Variants in FAM114A1 observed in about 807,000 individuals in gnomAD.
The protein encoded by FAM114A1 is family with sequence similarity 114 member A1.
Under a neutral mutation model 64.3 loss-of-function variants are expected in FAM114A1, and 62 were observed. The observed-to-expected ratio is 0.96, with a 90% CI of 0.79 to 1.19. FAM114A1 has a LOEUF of 1.19. Among genes scored for constraint, FAM114A1 ranks in the 50% most tolerant of loss-of-function variants. The pLI is 0.00. For synonymous variants in FAM114A1, 254 were observed against 251.1 expected, an observed-to-expected ratio of 1.01 and a Z score of -0.11; for missense variants, 645 against 676.3, an observed-to-expected ratio of 0.95 and a Z score of 0.51.
chr4:38,919,087 A>C (rs1719341926), intron 8 of FAM114A1, among the ~76,000 whole-genome samples: 1 of 151,640 alleles, frequency 6.6e-6, no homozygotes, highest in African/African-American at 2.4e-5. Context: ...TGGGGGGCGG[A>C]GGTTGTAGTG....
rs1418045418 is a variant in FAM114A1, at chr4:38,922,870, A to G, written c.1046A>G (p.Asn349Ser). The change falls in exon 9 of 15, where the codon AAT (asparagine) becomes AGT (serine). Residue 349 changes from asparagine to serine, a missense_variant. Transcript: ENST00000358869. ...KDIFAAKELE[N>S]EENQEEQGLE... ...ATCTTTGCAGCCAAAGAATTAGAGA[A>G]TGAAGAAAATCAAGAAGAACAAGGT... 6.2e-7 allele frequency: 1 copy of G among 1,611,140 alleles called. No homozygotes were observed. Among genetic ancestry groups the G allele is most frequent in the Non-Finnish European group, 8.5e-7 (1 of 1,179,332 alleles).
At chr4:38,894,785 A>G (rs1476781049) in intron 4 of FAM114A1, among the ~76,000 whole-genome samples, 6 of 152,204 alleles carry the variant, frequency 3.9e-5, no homozygotes, top group African/African-American at 1.4e-4. Flanking sequence ...CTCTTGTATT[A>G]GTTTCTGTTG....
At chr4:38,909,965 G>T (rs750867036) in intron 7 of FAM114A1, among the ~76,000 whole-genome samples, 76 of 152,268 alleles carry the variant, frequency 5.0e-4, no homozygotes, top group Middle Eastern at 3.4e-3. Context: ...GGGCACAGTG[G>T]CTCATGCCGG....
intron 12 of FAM114A1, among the ~76,000 whole-genome samples, chr4:38,932,611 C>T (rs1720748421): frequency 1.3e-5 from 2 of 152,124 alleles, no homozygotes; most frequent in South Asian, 4.1e-4. Flanking sequence ...ACCCTCCTGC[C>T]TCAGTCTCCC....
intron 7 of FAM114A1, among the ~76,000 whole-genome samples, chr4:38,913,061 T>C (rs1379394326): frequency 6.6e-6 from 1 of 152,200 alleles, no homozygotes; most frequent in Non-Finnish European, 1.5e-5. Flanking sequence ...GCTGATTGTT[T>C]TTCTGGCACA....
intron 2 of FAM114A1, among the ~76,000 whole-genome samples, chr4:38,877,326 G>C (rs963381321): frequency 6.6e-6 from 1 of 152,110 alleles, no homozygotes; most frequent in Admixed American, 6.5e-5. Flanking sequence ...GGAGCCCTGA[G>C]CTTGTTTCCC....
chr4:38,913,694 G>A (rs1373550542), intron 7 of FAM114A1, among the ~76,000 whole-genome samples: 1 of 152,062 alleles, frequency 6.6e-6, no homozygotes, highest in African/African-American at 2.4e-5. Context: ...CTGGCCCTAA[G>A]TTAATATTCT....
chr4:38,933,585 A>G (rs1720843463), intron 12 of FAM114A1, among the ~76,000 whole-genome samples: 1 of 152,222 alleles, frequency 6.6e-6, no homozygotes, highest in East Asian at 1.9e-4. Flanking sequence ...ATTAAAATAT[A>G]TGTGTAACAT....
chr4:38,895,510 C>G (rs1438133329), intron 4 of FAM114A1, among the ~76,000 whole-genome samples: 2 of 152,208 alleles, frequency 1.3e-5, no homozygotes, highest in East Asian at 1.9e-4. Flanking sequence ...TTCTCCCCAT[C>G]ATTGCTGGAT....
intron 8 of FAM114A1, 48 bp from the exon 9 acceptor site, chr4:38,922,722 T>A: frequency 6.3e-7 from 1 of 1,581,992 alleles, no homozygotes; most frequent in South Asian, 1.2e-5. Context: ...TAAACGTTAT[T>A]AACGAGAAGA....
chr4:38,922,684 T>C, intron 8 of FAM114A1, 86 bp from the exon 9 acceptor site: 1 of 1,500,846 alleles, frequency 6.7e-7, no homozygotes, highest in South Asian at 1.4e-5. Flanking sequence ...ATCACTTTTG[T>C]CCTGGGAAAA....
chr4:38,879,105 C>T (rs1406910689), intron 3 of FAM114A1, among the ~76,000 whole-genome samples: 1 of 152,184 alleles, frequency 6.6e-6, no homozygotes, highest in Non-Finnish European at 1.5e-5. Flanking sequence ...ACTATCCCAG[C>T]AGGGTTTTCC....
intron 8 of FAM114A1, among the ~76,000 whole-genome samples, chr4:38,921,900 T>C (rs1719632462): frequency 6.6e-6 from 1 of 152,212 alleles, no homozygotes; most frequent in Admixed American, 6.5e-5. Context: ...AGATGCGTAT[T>C]TATTTATGTT....
chr4:38,875,078 C>G (rs1380997875), intron 2 of FAM114A1, among the ~76,000 whole-genome samples: 1 of 152,048 alleles, frequency 6.6e-6, no homozygotes, highest in Admixed American at 6.6e-5. Flanking sequence ...TTACTATAAC[C>G]TTGTAGTATA....
chr4:38,932,663 AT>A (rs1041495919), intron 12 of FAM114A1, among the ~76,000 whole-genome samples: 2 of 151,650 alleles, frequency 1.3e-5, no homozygotes, highest in African/African-American at 4.9e-5. Flanking sequence ...CATCCAGCTA[AT>A]TTTTTAATTA....
At chr4:38,943,191 CAAAA>C (rs1255932256) in intron 14 of FAM114A1, among the ~76,000 whole-genome samples, 7 of 88,854 alleles carry the variant, frequency 7.9e-5, no homozygotes, top group African/African-American at 1.8e-4. Flanking sequence ...GACTCTGTCT[CAAAA>C]AAAAAAAAAA....
At position 38,932,216 on chromosome 4, in the gene FAM114A1, T is replaced by C; in HGVS notation, c.1324-19T>C. On this transcript the variant is annotated intron_variant, in intron 11 of 14. Transcript: ENST00000358869. Reference sequence around the variant, plus strand: ...ATCTGCTCAGTAAAAAATTTCTTGCTTGTGTCTATTCATTTCAGGAAGTAT... The same window carrying C: ...ATCTGCTCAGTAAAAAATTTCTTGCCTGTGTCTATTCATTTCAGGAAGTAT... 1.3e-6 allele frequency: 2 copies of C among 1,576,584 alleles called. No individual in the cohort carries two copies. The highest frequency in any genetic ancestry group is 1.7e-6 in the Non-Finnish European group (2 of 1,167,958).
Position 38,905,770 on chromosome 4 carries a change from C to G in FAM114A1, c.566C>G (p.Thr189Arg). The change falls in exon 6 of 15, where the codon ACA (threonine) becomes AGA (arginine). Residue 189 changes from threonine (T) to arginine (R), a missense_variant. Coordinates refer to ENST00000358869, the MANE Select transcript of FAM114A1 (RefSeq NM_138389.4). ...NGVPEITDAATDQGPAESPPT... is the reference protein window; with the variant it reads ...NGVPEITDAARDQGPAESPPT... The stretch of plus-strand genomic sequence containing the variant: ...TTCTCTTTAGTAACAGATGCAGCCA[C>G]AGATCAGGGCCCTGCAGAAAGCCCA... The G allele has an allele frequency of 1.2e-6, 2 of 1,612,898 alleles. No homozygotes were observed. The highest frequency in any genetic ancestry group is 2.2e-5 in the South Asian group (2 of 90,904).
chr4:38,939,432 G>A (rs1256989803), intron 13 of FAM114A1, among the ~76,000 whole-genome samples: 2 of 152,080 alleles, frequency 1.3e-5, no homozygotes, highest in Non-Finnish European at 2.9e-5. Flanking sequence ...TAAATTGCTT[G>A]CATACCTCAT....
Sources: gnomAD v4.1 joint callset for allele counts (sites outside exome capture counted in the v4.1 genomes callset) on GRCh38, gnomAD v4.1.1 for gene constraint, MANE v1.5 for transcripts, NCBI Gene and HGNC (gene_info 2026-07-23, HGNC 2026-07-21) for gene names.